The following THSD7B variants were observed in gnomAD, a reference collection of about 807,000 sequenced individuals.
THSD7B encodes thrombospondin type-1 domain-containing protein 7B.
THSD7B carries 138 observed loss-of-function variants against 213.6 expected under a neutral mutation model. The observed-to-expected ratio is 0.65, with a 90% CI of 0.56 to 0.74. THSD7B has a LOEUF of 0.74. Ranked by LOEUF, THSD7B falls within the 30% of genes least tolerant of loss-of-function variation. THSD7B has a pLI of 0.00. For missense variants in THSD7B, 1,931 were observed against 1,991.5 expected (o/e 0.97, Z 0.58); for synonymous variants, 742 against 687.0 (o/e 1.08, Z -1.25).
At chr2:137,423,166 G>T in intron 14 of THSD7B, among the ~76,000 whole-genome samples, 1 of 151,714 alleles carries the variant, frequency 6.6e-6, no homozygotes, top group East Asian at 1.9e-4. Flanking sequence ...CTTATGAAAG[G>T]CTACAAAGTA....
intron 24 of THSD7B, 93 bp downstream of exon 24, chr2:137,657,253 G>A (rs191859980): frequency 4.2e-6 from 5 of 1,198,280 alleles, no homozygotes; most frequent in Non-Finnish European, 5.8e-6. Flanking sequence ...ATAAACAAGG[G>A]GTGACTTGGG....
intron 2 of THSD7B, among the ~76,000 whole-genome samples, chr2:136,950,948 C>T (rs1685027877): frequency 6.6e-6 from 1 of 152,146 alleles, no homozygotes; most frequent in Non-Finnish European, 1.5e-5. Flanking sequence ...GAGAGATACA[C>T]ATAGGTTGTA....
chr2:136,820,199 A>T (rs896343480), intron 1 of THSD7B, among the ~76,000 whole-genome samples: 3 of 152,222 alleles, frequency 2.0e-5, no homozygotes, highest in African/African-American at 7.2e-5. Context: ...CTAACACCTC[A>T]AACGGTGCTG....
Position 137,227,098 on chromosome 2 carries a change from G to A in THSD7B, c.1724-3946G>A, listed in dbSNP as rs578060982. On this transcript the variant is annotated intron_variant, in intron 7 of 27. Coordinates refer to ENST00000409968, the MANE Select transcript of THSD7B (RefSeq NM_001316349.2). ...AGAGGTAACAGAAACTGCTCAATGC[G>A]TATGGGGCTTTACTTTGGAGTGATT... Among the ~76,000 whole-genome samples the A allele has an allele frequency of 4.6e-4, 70 of 152,238 alleles. No individual in the cohort carries two copies. In the Middle Eastern group the frequency reaches 0.014, roughly 30 times the overall value.
intron 2 of THSD7B, among the ~76,000 whole-genome samples, chr2:137,028,795 A>T (rs1686603258): frequency 6.6e-6 from 1 of 152,196 alleles, no homozygotes; most frequent in Non-Finnish European, 1.5e-5. Context: ...AACCTAAAAA[A>T]TAGGTAGGAA....
intron 27 of THSD7B, among the ~76,000 whole-genome samples, chr2:137,671,344 A>G (rs1016863807): frequency 6.6e-6 from 1 of 152,064 alleles, no homozygotes; most frequent in Non-Finnish European, 1.5e-5. Flanking sequence ...CTCTTTCTGA[A>G]AGATAATTTT....
In THSD7B at chr2:136,947,959, C is replaced by T. The variant is rs138447168; in HGVS notation, c.139+65642C>T. 3.1e-3 allele frequency among the ~76,000 whole-genome samples: 469 copies of T among 152,294 alleles called. 3 individuals carry two copies. The highest frequency in any genetic ancestry group is 0.011 in the African/African-American group (443 of 41,562). ...GTCCTGCAGACACTTCACACTGACT[C>T]GTCTACCATGGCTGTCACCTTTACT... On this transcript the variant is annotated intron_variant, in intron 2 of 27. Transcript: ENST00000409968.
At chr2:137,650,417 CT>C (rs1195459487) in intron 21 of THSD7B, among the ~76,000 whole-genome samples, 1 of 152,050 alleles carries the variant, frequency 6.6e-6, no homozygotes, top group African/African-American at 2.4e-5. Context: ...CTACTGATTT[CT>C]GTATGTTGAT....
At chr2:137,468,183 G>T (rs1292666554) in intron 15 of THSD7B, among the ~76,000 whole-genome samples, 1 of 152,124 alleles carries the variant, frequency 6.6e-6, no homozygotes, top group African/African-American at 2.4e-5. Flanking sequence ...ATATTATTTT[G>T]CAGGAAAGTG....
chr2:137,548,384 G>T (rs149612959), intron 15 of THSD7B, among the ~76,000 whole-genome samples: 9 of 152,082 alleles, frequency 5.9e-5, no homozygotes, highest in African/African-American at 2.2e-4. Context: ...TGCAAAAATA[G>T]TAATAGTGAT....
chr2:137,602,859 G>A (rs1224912560), intron 17 of THSD7B, among the ~76,000 whole-genome samples: 1 of 152,110 alleles, frequency 6.6e-6, no homozygotes, highest in African/African-American at 2.4e-5. Flanking sequence ...TAAAACCATA[G>A]CACCTTTCAG....
intron 5 of THSD7B, among the ~76,000 whole-genome samples, chr2:137,116,859 A>G (rs2104940172): frequency 6.6e-6 from 1 of 152,322 alleles, no homozygotes; most frequent in African/African-American, 2.4e-5. Flanking sequence ...ATCAAGCCCG[A>G]GTACAATCTA....
At chr2:137,043,881 C>T (rs973307357) in intron 2 of THSD7B, among the ~76,000 whole-genome samples, 8 of 152,208 alleles carry the variant, frequency 5.3e-5, no homozygotes, top group African/African-American at 1.9e-4. Flanking sequence ...TTTCTATAAA[C>T]AAAACCTACT....
chr2:137,489,154 C>T (rs1223042919), intron 15 of THSD7B, among the ~76,000 whole-genome samples: 4 of 152,010 alleles, frequency 2.6e-5, no homozygotes, highest in Admixed American at 1.3e-4. Context: ...GGGCTGGGTG[C>T]GGTGGCTCAT....
Position 137,422,509 on chromosome 2 carries a change from A to C in THSD7B, c.2959+10637A>C, listed in dbSNP as rs72979617. ...TTTGAGGAGCTCATGTTGTCCAAGA[A>C]GTCATCTGGAAAGATCCATTGGGAA... is the stretch of plus-strand genomic sequence containing the variant. On this transcript the variant is annotated intron_variant, in intron 14 of 27. Transcript: ENST00000409968. Among the ~76,000 whole-genome samples, 1,498 of 152,320 alleles carry C rather than the reference A, an allele frequency of 9.8e-3. 28 individuals carry two copies. The highest frequency in any genetic ancestry group is 0.034 in the African/African-American group (1,431 of 41,562).
intron 27 of THSD7B, among the ~76,000 whole-genome samples, chr2:137,672,001 C>T (rs1009994078): frequency 6.6e-6 from 1 of 152,110 alleles, no homozygotes; most frequent in African/African-American, 2.4e-5. Context: ...TTTATATAAA[C>T]ATCTTCCTCC....
intron 5 of THSD7B, among the ~76,000 whole-genome samples, chr2:137,119,067 C>T (rs1688497125): frequency 6.6e-6 from 1 of 152,092 alleles, no homozygotes; most frequent in Non-Finnish European, 1.5e-5. Flanking sequence ...AGGTATAATT[C>T]AAGATGAGAT....
chr2:137,647,648 G>A (rs10496783), intron 21 of THSD7B, among the ~76,000 whole-genome samples: 10,886 of 152,056 alleles, frequency 0.072, 1,112 homozygotes, highest in African/African-American at 0.23. Flanking sequence ...TTCCTAAAAT[G>A]ACCATTGATC....
intron 5 of THSD7B, among the ~76,000 whole-genome samples, chr2:137,157,504 G>T (rs558450613): frequency 1.3e-5 from 2 of 152,252 alleles, no homozygotes; most frequent in South Asian, 4.1e-4. Flanking sequence ...TCATTCTACA[G>T]TTATTTTTGG....
Sources: allele counts gnomAD v4.1 joint callset (sites outside exome capture counted in the v4.1 genomes callset), GRCh38; gene constraint gnomAD v4.1.1; transcripts MANE v1.5; gene names NCBI Gene and HGNC (gene_info 2026-07-23, HGNC 2026-07-21).